ZNF43: variants seen among roughly 807,000 people sequenced by gnomAD.
ZNF43 encodes the protein zinc finger protein 43.
A neutral mutation model predicts 68.4 loss-of-function variants in ZNF43; 44 were observed. The ratio of observed to expected loss-of-function variants is 0.64; its 90% CI spans 0.51 to 0.83. The LOEUF (loss-of-function observed/expected upper bound fraction) is 0.83. ZNF43 is among the 40% of genes least tolerant of loss of function. The pLI is 0.00. For missense variants in ZNF43, 896 were observed against 933.2 expected (o/e 0.96, Z 0.52); for synonymous variants, 308 against 307.8 (o/e 1.00, Z -0.01).
At chr19:21,850,774 G>C (rs1332292820) in intron 1 of ZNF43, among the ~76,000 whole-genome samples, 1 of 152,164 alleles carries the variant, frequency 6.6e-6, no homozygotes, top group Non-Finnish European at 1.5e-5. Flanking sequence ...TCAGTGAAAG[G>C]CCCAGCTATG....
intron 1 of ZNF43, among the ~76,000 whole-genome samples, chr19:21,835,361 T>TG (rs2038661552): frequency 6.8e-6 from 1 of 147,906 alleles, no homozygotes; most frequent in Non-Finnish European, 1.5e-5. Context: ...TTTAGTTTTT[T>TG]TTTTTTTTTT....
chr19:21,809,913 G>C (rs1006701846), intron 3 of ZNF43, 106 bp from the exon 4 acceptor site: 2 of 1,064,856 alleles, frequency 1.9e-6, no homozygotes, highest in African/African-American at 3.2e-5. Flanking sequence ...AGATGTCATA[G>C]AAAAATACCA....
In ZNF43 at chr19:21,848,894, T is replaced by G. The variant is rs138118458; in HGVS notation, c.30+3011A>C. ...CCCTCAGCCCAGGTATGAGTCAACA[T>G]GTCCTCAGGAAGGTAGACTTCTCAT... On this transcript the variant is annotated intron_variant, in intron 1 of 3. Transcript: ENST00000357491. Among the ~76,000 whole-genome samples, 361 of 152,250 alleles carry G rather than the reference T, an allele frequency of 2.4e-3. 2 individuals are homozygous for G. Among genetic ancestry groups the G allele is most frequent in the African/African-American group, 8.4e-3 (347 of 41,518 alleles).
At chr19:21,818,982 A>C in intron 2 of ZNF43, 113 bp downstream of exon 2, 1 of 1,420,182 alleles carries the variant, frequency 7.0e-7, no homozygotes. Context: ...TTTTGAAAAC[A>C]GGAATCTGAA....
chr19:21,844,213 CA>C (rs981979634), intron 1 of ZNF43, among the ~76,000 whole-genome samples: 20 of 151,464 alleles, frequency 1.3e-4, no homozygotes, highest in African/African-American at 4.9e-4. Flanking sequence ...ACTAAAAATA[CA>C]AAAAAGCCGG....
intron 1 of ZNF43, among the ~76,000 whole-genome samples, chr19:21,851,522 A>G (rs912991600): frequency 6.9e-6 from 1 of 145,534 alleles, no homozygotes; most frequent in African/African-American, 2.6e-5. Flanking sequence ...CCTGGGCGAC[A>G]TAGCAAGATT....
intron 3 of ZNF43, among the ~76,000 whole-genome samples, chr19:21,817,651 T>A (rs1485150939): frequency 1.3e-5 from 2 of 152,238 alleles, no homozygotes; most frequent in African/African-American, 4.8e-5. Flanking sequence ...AAGAGGACTT[T>A]GGCTGTCATG....
intron 1 of ZNF43, among the ~76,000 whole-genome samples, chr19:21,845,904 AAAAGGATGCAGGGCCCAGACAAGAGAAG>A: frequency 6.6e-6 from 1 of 151,936 alleles, no homozygotes; most frequent in Admixed American, 6.6e-5. Flanking sequence ...AAAAAAAAAA[AAAAGGATGCAGGGCCCAGACAAGAGAAG>A]AGTCCCATCA....
chr19:21,849,488 CAAAAAAAAA>C (rs35354919), intron 1 of ZNF43, among the ~76,000 whole-genome samples: 2 of 29,496 alleles, frequency 6.8e-5, no homozygotes, highest in Non-Finnish European at 1.3e-4. Flanking sequence ...AACCCTGCCT[CAAAAAAAAA>C]AAAAAAAAAA....
At chr19:21,824,774 T>C (rs1013383549) in intron 1 of ZNF43, among the ~76,000 whole-genome samples, 2 of 145,234 alleles carry the variant, frequency 1.4e-5, no homozygotes, top group Non-Finnish European at 3.0e-5. Flanking sequence ...AAAAAAGAAA[T>C]CTGAGGCAAC....
At chr19:21,820,375 C>T (rs1358731278) in intron 1 of ZNF43, among the ~76,000 whole-genome samples, 3 of 137,674 alleles carry the variant, frequency 2.2e-5, no homozygotes, top group Non-Finnish European at 3.1e-5. Flanking sequence ...ATTAGGAGTT[C>T]GAGACAAGCC....
intron 1 of ZNF43, among the ~76,000 whole-genome samples, chr19:21,825,241 AACAACCC>A (rs2038057321): frequency 6.6e-6 from 1 of 152,034 alleles, no homozygotes; most frequent in Non-Finnish European, 1.5e-5. Context: ...TCAAAAATCA[AACAACCC>A]AACCAACCAA....
intron 1 of ZNF43, among the ~76,000 whole-genome samples, chr19:21,831,509 CACA>C (rs937938383): frequency 5.3e-5 from 8 of 152,010 alleles, no homozygotes; most frequent in Admixed American, 5.3e-4. Flanking sequence ...TTACAAGCCA[CACA>C]ACAACGCCTA....
intron 3 of ZNF43, among the ~76,000 whole-genome samples, chr19:21,811,551 A>AC (rs2037273912): frequency 6.6e-6 from 1 of 151,336 alleles, no homozygotes; most frequent in Admixed American, 6.6e-5. Flanking sequence ...AAAAAACAAA[A>AC]AAAAAAAACT....
At chr19:21,830,544 C>T (rs756794358) in intron 1 of ZNF43, among the ~76,000 whole-genome samples, 15 of 148,098 alleles carry the variant, frequency 1.0e-4, no homozygotes, top group Non-Finnish European at 2.1e-4. Flanking sequence ...CACGTACATC[C>T]TCCAAAGACT....
intron 1 of ZNF43, among the ~76,000 whole-genome samples, chr19:21,843,716 G>C (rs901556692): frequency 5.9e-5 from 9 of 152,130 alleles, no homozygotes; most frequent in Non-Finnish European, 1.3e-4. Flanking sequence ...TTGAACATGG[G>C]AGGTGGAGTG....
upstream of ZNF43, chr19:21,836,289 C>A (rs956209910): frequency 7.9e-7 from 1 of 1,264,586 alleles, no homozygotes; most frequent in African/African-American, 1.5e-5. Flanking sequence ...AAGGTCCTGC[C>A]CCCGCAAACC....
chr19:21,822,522 G>A (rs1329881391), intron 1 of ZNF43, among the ~76,000 whole-genome samples: 1 of 152,096 alleles, frequency 6.6e-6, no homozygotes, highest in Non-Finnish European at 1.5e-5. Flanking sequence ...ATTCTGTTCC[G>A]TGGCCGGGCG....
intron 2 of ZNF43, among the ~76,000 whole-genome samples, chr19:21,818,295 G>T (rs1412384105): frequency 1.3e-5 from 2 of 152,114 alleles, no homozygotes; most frequent in East Asian, 3.9e-4. Context: ...TAGAGACAGG[G>T]TTTTGCCATG....
Sources: gnomAD v4.1 joint callset for allele counts (sites outside exome capture counted in the v4.1 genomes callset) on GRCh38, gnomAD v4.1.1 for gene constraint, MANE v1.5 for transcripts, NCBI Gene and HGNC (gene_info 2026-07-23, HGNC 2026-07-21) for gene names.